SLC22A6: variants seen among roughly 807,000 people sequenced by gnomAD.
SLC22A6 encodes PAH transporter.
In SLC22A6, 45 loss-of-function variants were observed where a neutral mutation model predicts 56.7. That is an observed-to-expected ratio of 0.79 (90% confidence interval 0.63 to 1.02). The LOEUF (loss-of-function observed/expected upper bound fraction) is 1.02. SLC22A6 is among the 50% of genes least tolerant of loss of function. SLC22A6 has a pLI of 0.00. For synonymous variants in SLC22A6, 291 were observed against 295.9 expected (o/e 0.98, Z 0.17); for missense variants, 606 against 713.8 (o/e 0.85, Z 1.72).
At chr11:62,981,694 T>TAGA in intron 4 of SLC22A6, 148 bp downstream of exon 4, 1 of 810,198 alleles carries the variant, frequency 1.2e-6, no homozygotes, top group Non-Finnish European at 1.9e-6. Flanking sequence ...AGCCTTGGTT[T>TAGA]CCCTATCTGT....
Position 62,982,003 on chromosome 11 carries a change from C to T in SLC22A6, c.636G>A (p.Glu212=). ...AGGCCCGTGTGTGAATGGGCATCCA[C>T]TCCACATCTGGAAAGAGGGTTAAGA... ...ISLNCMTLNV[E]WMPIHTRACV... is the part of the protein sequence containing the mutation. Residue 212 remains glutamate, a synonymous_variant, in exon 4 of 10, where the codon GAG becomes GAA. Coordinates refer to ENST00000360421, the MANE Select transcript of SLC22A6 (RefSeq NM_153276.3). 2.5e-6 allele frequency: 4 copies of T among 1,613,518 alleles called. No homozygotes were observed. The African/African-American group carries it at 4.0e-5, about 16-fold the overall frequency.
In SLC22A6 at chr11:62,981,307, C is replaced by T. The variant is rs758520009; in HGVS notation, c.874G>A (p.Ala292Thr). Residue 292 changes from alanine to threonine, a missense_variant, in exon 5 of 10, where the codon GCC (alanine) becomes ACC (threonine). Transcript: ENST00000360421. ...TCTTCCCGCTTCCCATTGATCCGGG[C>T]GACTCTCTGCAGGGCCCTCAGGGTG... ...DLTLRALQRVARINGKREEGA... is the reference protein window; with the variant it reads ...DLTLRALQRVTRINGKREEGA... 8.7e-6 allele frequency: 14 copies of T among 1,605,958 alleles called. No individual in the cohort carries two copies. Among genetic ancestry groups the T allele is most frequent in the Middle Eastern group, 1.6e-4 (1 of 6,080 alleles).
At chr11:62,980,341 T>C (rs2086238741) in intron 6 of SLC22A6, among the ~76,000 whole-genome samples, 1 of 152,216 alleles carries the variant, frequency 6.6e-6, no homozygotes, top group Non-Finnish European at 1.5e-5. Flanking sequence ...TCCATGGTCC[T>C]GGGATGAGTG....
At chr11:62,980,421 G>C (rs1323210366) in intron 6 of SLC22A6, among the ~76,000 whole-genome samples, 1 of 152,234 alleles carries the variant, frequency 6.6e-6, no homozygotes, top group Non-Finnish European at 1.5e-5. Context: ...CCATGACTGA[G>C]AATAAATCCC....
Position 62,979,494 on chromosome 11 carries a change from A to C in SLC22A6, c.1355T>G (p.Met452Arg), listed in dbSNP as rs768461227. ...CCATTAGGCTCCCACTCACCGGATC[A>C]TTGTGGGATACAGTTCCCCAGTATA... The part of the protein sequence containing the change: ...FLYTGELYPT[M>R]IRQTGMGMGS... The change falls in exon 8 of 10, where the codon ATG (methionine) becomes AGG (arginine). Residue 452 changes from methionine to arginine, a missense_variant. Met to Arg is a moderately conservative substitution (Grantham distance 91). Coordinates refer to ENST00000360421, the MANE Select transcript of SLC22A6 (RefSeq NM_153276.3). 1.3e-6 allele frequency: 2 copies of C among 1,593,462 alleles called. No individual in the cohort carries two copies. The highest frequency in any genetic ancestry group is 2.2e-5 in the South Asian group (2 of 90,654).
chr11:62,982,059 C>A, intron 3 of SLC22A6, 49 bp from the exon 4 acceptor site: 1 of 1,561,726 alleles, frequency 6.4e-7, no homozygotes, highest in South Asian at 1.2e-5. Context: ...GGCTGCTGGG[C>A]TAGTAAAGGC....
chr11:62,981,093 C>T lies in SLC22A6; in HGVS notation c.929G>A (p.Arg310Gln), dbSNP rs762648329. Residue 310 changes from arginine (R) to glutamine (Q), a missense_variant, in exon 6 of 10, where the codon CGG becomes CAG. Arg to Gln is a conservative substitution (Grantham distance 43). Transcript: ENST00000360421. ...EGAKLSMEVL[R>Q]ASLQKELTMG... ...GGTCAGCTCCTTCTGCAGACTGGCCCGGAGTACCTGCTGGGACCGGCAGAG... is the reference window on the plus strand; with the variant it reads ...GGTCAGCTCCTTCTGCAGACTGGCCTGGAGTACCTGCTGGGACCGGCAGAG... The T allele has an allele frequency of 4.3e-6, 7 of 1,611,524 alleles. No homozygotes were observed. The highest frequency in any genetic ancestry group is 5.1e-6 in the Non-Finnish European group (6 of 1,178,368).
chr11:62,983,879 C>T lies in SLC22A6; in HGVS notation c.473+65G>A, dbSNP rs1424121382. ...GCAATGCCAAGCTCCCACCTAGACA[C>T]CCTGAGCCCAGCTGAGCCCCTAATC... On this transcript the variant is annotated intron_variant, in intron 2 of 9. Coordinates refer to ENST00000360421, the MANE Select transcript of SLC22A6 (RefSeq NM_153276.3). The surrounding 1 kb of genome is among the most constrained non-coding windows in gnomAD (Gnocchi z 4.5). The T allele has an allele frequency of 2.3e-6, 3 of 1,324,002 alleles. No individual in the cohort carries two copies. Among genetic ancestry groups the T allele is most frequent in the Non-Finnish European group, 3.2e-6 (3 of 943,080 alleles). The allele number at this position is 1,324,002 out of a possible 1,614,324, so 82.0% of individuals were successfully genotyped here. A position where few individuals can be genotyped will look rare whatever the true frequency, so the allele number is the denominator to read the frequency against.
In SLC22A6 at chr11:62,977,374, C is replaced by T; in HGVS notation, c.1375G>A (p.Gly459Arg). 1 of 1,610,158 alleles carries T rather than the reference C, an allele frequency of 6.2e-7. No individual in the cohort carries two copies. Among genetic ancestry groups the T allele is most frequent in the Non-Finnish European group, 8.5e-7 (1 of 1,179,662 alleles). Residue 459 changes from glycine to arginine, a missense_variant, in exon 9 of 10, where the codon GGA becomes AGA. Physicochemically the swap from Gly to Arg is moderately radical, Grantham distance 125 (BLOSUM62 -2). Coordinates refer to ENST00000360421, the MANE Select transcript of SLC22A6 (RefSeq NM_153276.3). ...YPTMIRQTGMGMGSTMARVGS... is the reference protein window; with the variant it reads ...YPTMIRQTGMRMGSTMARVGS... ...ACTCGGGCCATGGTGCTGCCCATTC[C>T]CATGCCTGTCTGCCTGCAGGGCCCG...
At chr11:62,980,859 G>T in intron 6 of SLC22A6, 126 bp downstream of exon 6, 1 of 717,268 alleles carries the variant, frequency 1.4e-6, no homozygotes, top group South Asian at 2.0e-5. Context: ...CCCTAGTGTG[G>T]GGTTACTGCT....
intron 8 of SLC22A6, 126 bp from the exon 9 acceptor site, chr11:62,977,513 C>T: frequency 2.7e-6 from 3 of 1,114,852 alleles, no homozygotes; most frequent in South Asian, 3.3e-5. Flanking sequence ...CCTCTCTTCC[C>T]CATTTGATTA....
At position 62,981,091 on chromosome 11, in the gene SLC22A6, C is replaced by T. The variant is rs530672424; in HGVS notation, c.931G>A (p.Ala311Thr). ...GAKLSMEVLR[A>T]SLQKELTMGK... is the part of the protein sequence containing the mutation. ...ATGGTCAGCTCCTTCTGCAGACTGG[C>T]CCGGAGTACCTGCTGGGACCGGCAG... is the stretch of plus-strand genomic sequence containing the variant. Residue 311 changes from alanine (A) to threonine (T), a missense_variant, in exon 6 of 10, where the codon GCC (alanine) becomes ACC (threonine). Transcript: ENST00000360421. The T allele has an allele frequency of 1.1e-4, 181 of 1,611,612 alleles. 2 individuals carry two copies. The South Asian group carries it at 1.9e-3, about 17-fold the overall frequency.
Position 62,981,362 on chromosome 11 carries a change from G to C in SLC22A6, c.819C>G (p.Arg273=). The change falls in exon 5 of 10, where the codon CGC becomes CGG. Residue 273 remains arginine, a synonymous_variant. Coordinates refer to ENST00000360421, the MANE Select transcript of SLC22A6 (RefSeq NM_153276.3). ...IYSWFFIESA[R]WHSSSGRLDL... is the part of the protein sequence containing the mutation. ...CCAGCCTCCCGGAGGAGGAGTGCCA[G>C]CGGGCCGACTCAATGAAGAACCTGG... is the stretch of plus-strand genomic sequence containing the variant. The C allele has an allele frequency of 6.3e-7, 1 of 1,589,980 alleles. No homozygotes were observed. Among genetic ancestry groups the C allele is most frequent in the Non-Finnish European group, 8.6e-7 (1 of 1,167,918 alleles).
Position 62,983,582 on chromosome 11 carries a change from A to C in SLC22A6, c.583T>G (p.Ser195Ala), listed in dbSNP as rs748233588. ...GAGATGCCAGCCAGAGCCATGCCCG[A>C]GAGGAGCCGGAAGGCGCAGTAGATG... ...FPIYCAFRLLSGMALAGISLN... is the reference protein window; with the variant it reads ...FPIYCAFRLLAGMALAGISLN... Residue 195 changes from serine to alanine, a missense_variant, in exon 3 of 10, where the codon TCG becomes GCG. Ser to Ala is a moderately conservative substitution (Grantham distance 99, BLOSUM62 1). Coordinates refer to ENST00000360421, the MANE Select transcript of SLC22A6 (RefSeq NM_153276.3). The surrounding 1 kb of genome is among the most constrained non-coding windows in gnomAD (Gnocchi z 4.5). 4 of 1,582,418 alleles carry C rather than the reference A, an allele frequency of 2.5e-6. No individual in the cohort carries two copies. Among genetic ancestry groups the C allele is most frequent in the South Asian group, 1.2e-5 (1 of 86,626 alleles).
intron 4 of SLC22A6, 62 bp from the exon 5 acceptor site, chr11:62,981,445 G>GGGGGC: frequency 1.4e-6 from 1 of 707,948 alleles, no homozygotes; most frequent in Non-Finnish European, 2.2e-6. Flanking sequence ...TGGGTGGGGG[G>GGGGGC]CTGGGGCTGG....
Position 62,984,822 on chromosome 11 carries a change from G to A in SLC22A6, c.-132C>T, listed in dbSNP as rs572215061. On this transcript the variant is annotated 5_prime_UTR_variant, in exon 1 of 10. Transcript: ENST00000360421. ...CCTCCGCAGCTGGGTTGCTCCGGGA[G>A]CTGAGTCCGAGCTGCTCTGTGGGGG... 1.8e-4 allele frequency: 173 copies of A among 986,250 alleles called. 1 individual carries two copies. The East Asian group carries it at 4.3e-3, about 24-fold the overall frequency. The allele number at this position is 986,250 out of a possible 1,614,324, so 61.1% of individuals were successfully genotyped here. A position where few individuals can be genotyped will look rare whatever the true frequency, so the allele number is the denominator to read the frequency against.
rs4149172 is a variant in SLC22A6, at chr11:62,983,386, T to C, written c.628+151A>G. 232,531 of 788,410 alleles carry C rather than the reference T, an allele frequency of 0.29. 36,035 individuals are homozygous for C. Among genetic ancestry groups the C allele is most frequent in the East Asian group, 0.43 (15,671 of 36,508 alleles). 48.8% of individuals were successfully genotyped at this position (788,410 alleles called of 1,614,324 possible). A position where few individuals can be genotyped will look rare whatever the true frequency, so the allele number is the denominator to read the frequency against. On this transcript the variant is annotated intron_variant, in intron 3 of 9. Transcript: ENST00000360421. This position sits in a 1 kb window ranked among gnomAD's most constrained non-coding sequence, Gnocchi z 4.5. The stretch of plus-strand genomic sequence containing the variant: ...ATGAGGGGTCAGGGCGGCATGAGCC[T>C]GAGAAAAGGTTGTTCTATTGGCAGG...
Position 62,976,730 on chromosome 11 carries a change from G to T in SLC22A6, c.*64C>A. The T allele has an allele frequency of 3.0e-6, 4 of 1,355,186 alleles. No individual in the cohort carries two copies. The highest frequency in any genetic ancestry group is 4.1e-6 in the Non-Finnish European group (4 of 973,174). 83.9% of individuals were successfully genotyped at this position (1,355,186 alleles called of 1,614,324 possible). A position where few individuals can be genotyped will look rare whatever the true frequency, so the allele number is the denominator to read the frequency against. Reference sequence around the variant, plus strand: ...CATTTCCTCTTCCTCCTCCTTGTGTGGGTGGCCGGAGACCTGTAGGACCTT... The same window carrying T: ...CATTTCCTCTTCCTCCTCCTTGTGTTGGTGGCCGGAGACCTGTAGGACCTT... On this transcript the variant is annotated 3_prime_UTR_variant, in exon 10 of 10. Transcript: ENST00000360421.
chr11:62,979,923 C>T lies in SLC22A6; in HGVS notation c.1063G>A (p.Gly355Arg), dbSNP rs776201897. ...AAGCCCTGCAGGTCCATGACCAGCC[C>T]ATAGTATGCAAAGCTAGTGGCAAAC... ...LWFATSFAYY[G>R]LVMDLQGFGV... The change falls in exon 7 of 10, where the codon GGG becomes AGG. Residue 355 changes from glycine (G) to arginine (R), a missense_variant. By Grantham distance (125) the Gly-to-Arg change is moderately radical. Transcript: ENST00000360421. 7 of 1,613,506 alleles carry T rather than the reference C, an allele frequency of 4.3e-6. No homozygotes were observed. The highest frequency in any genetic ancestry group is 8.5e-7 in the Non-Finnish European group (1 of 1,179,588).
Sources: gnomAD v4.1 joint callset for allele counts (sites outside exome capture counted in the v4.1 genomes callset) on GRCh38, gnomAD v4.1.1 for gene constraint, Gnocchi (gnomAD v3.1) non-coding constraint, MANE v1.5 for transcripts, NCBI Gene and HGNC (gene_info 2026-07-23, HGNC 2026-07-21) for gene names.